ZBTB37: variants seen among roughly 807,000 people sequenced by gnomAD.
ZBTB37 encodes the protein zinc finger and BTB domain containing 37, also known as zinc finger and BTB domain-containing protein 37.
A neutral mutation model predicts 37.7 loss-of-function variants in ZBTB37; 15 were observed. The observed-to-expected ratio is 0.40, with a 90% CI of 0.27 to 0.61. The LOEUF (loss-of-function observed/expected upper bound fraction) is 0.61, where lower values mean the gene tolerates loss of function less well. Among genes scored for constraint, ZBTB37 ranks in the 20% least tolerant of loss-of-function variants. The pLI, the probability that ZBTB37 is intolerant of heterozygous loss-of-function variation, is 0.44. For synonymous variants in ZBTB37, 231 were observed against 220.6 expected (o/e 1.05, Z -0.42); for missense variants, 514 against 641.9 (o/e 0.80, Z 2.15).
chr1:173,878,617 C>T lies in ZBTB37; in HGVS notation c.1023+5051C>T, dbSNP rs769093459. ...AGACCAGGAAAAGAACAGATAGGTA[C>T]AGACTTTCCTACCCTCCCTTCCACC... On this transcript the variant is annotated intron_variant, in intron 4 of 4. Coordinates refer to ENST00000427304, the Ensembl canonical transcript of ZBTB37. Among the ~76,000 whole-genome samples, 5 of 152,328 alleles carry T rather than the reference C, an allele frequency of 3.3e-5. No individual in the cohort carries two copies. In the East Asian group the frequency reaches 5.8e-4, roughly 18 times the overall value.
chr1:173,878,690 A>G (rs1656119666), intron 4 of ZBTB37, among the ~76,000 whole-genome samples: 1 of 152,256 alleles, frequency 6.6e-6, no homozygotes, highest in Non-Finnish European at 1.5e-5. Flanking sequence ...AGTGGTAAAC[A>G]TTAAGTTACA....
chr1:173,902,366 A>G (rs970233005), exon 4 of ZBTB37: 1 of 152,248 alleles, frequency 6.6e-6, no homozygotes, highest in Non-Finnish European at 1.5e-5. Context: ...CTAAAATGTT[A>G]TCCCTGAAAG....
intron 4 of ZBTB37, among the ~76,000 whole-genome samples, chr1:173,879,971 C>T (rs1387683059): frequency 6.6e-6 from 1 of 152,020 alleles, no homozygotes; most frequent in Non-Finnish European, 1.5e-5. Flanking sequence ...GGAGAAAGAC[C>T]AGCACATTAT....
intron 4 of ZBTB37, among the ~76,000 whole-genome samples, chr1:173,876,716 A>G (rs1655990658): frequency 1.3e-5 from 2 of 152,212 alleles, no homozygotes. Flanking sequence ...TAGAGAAAAT[A>G]TTAGGAGCTT....
chr1:173,872,967 A>C (rs1040264345), intron 3 of ZBTB37, among the ~76,000 whole-genome samples: 1 of 151,834 alleles, frequency 6.6e-6, no homozygotes, highest in Non-Finnish European at 1.5e-5. Context: ...GGATCACGCC[A>C]CTGTACTCCA....
chr1:173,885,587 T>C, intron 4 of ZBTB37, 49 bp from the exon 5 acceptor site: 1 of 1,418,780 alleles, frequency 7.0e-7, no homozygotes, highest in Middle Eastern at 1.8e-4. Context: ...TTAATATGTA[T>C]GCTTAATAAT....
intron 4 of ZBTB37, among the ~76,000 whole-genome samples, chr1:173,877,269 A>G (rs1656031362): frequency 6.6e-6 from 1 of 152,308 alleles, no homozygotes; most frequent in Non-Finnish European, 1.5e-5. Context: ...AAGACTCTAC[A>G]GTATAAACTT....
At chr1:173,871,175 C>T (rs997439841) in intron 3 of ZBTB37, 27 bp downstream of exon 3, 16 of 1,547,452 alleles carry the variant, frequency 1.0e-5, no homozygotes, top group Non-Finnish European at 1.4e-5. Flanking sequence ...TTGGTTTTCC[C>T]ATGTAATGGC....
exon 4 of ZBTB37, chr1:173,895,740 C>G (rs976391721): frequency 6.6e-6 from 1 of 152,176 alleles, no homozygotes; most frequent in Non-Finnish European, 1.5e-5. Context: ...TTACCAGCCT[C>G]TCTCATTTAA....
At chr1:173,901,354 AG>A (rs1219800017) in exon 4 of ZBTB37, 1 of 151,898 alleles carries the variant, frequency 6.6e-6, no homozygotes, top group Non-Finnish European at 1.5e-5. Flanking sequence ...GCAGAACATC[AG>A]GAACTAATGG....
intron 4 of ZBTB37, among the ~76,000 whole-genome samples, chr1:173,874,765 A>G (rs565828456): frequency 6.6e-6 from 1 of 152,206 alleles, no homozygotes; most frequent in Non-Finnish European, 1.5e-5. Flanking sequence ...TTTTATTTGT[A>G]GTCCTAGTCA....
chr1:173,885,726 C>T (rs1430671072), exon 5 of ZBTB37: 4 of 1,551,746 alleles, frequency 2.6e-6, no homozygotes, highest in Non-Finnish European at 3.5e-6. Context: ...GTACAACCCT[C>T]GTCTCACCTG....
chr1:173,878,262 A>G (rs2102735423), intron 4 of ZBTB37, among the ~76,000 whole-genome samples: 1 of 152,256 alleles, frequency 6.6e-6, no homozygotes, highest in African/African-American at 2.4e-5. Flanking sequence ...TAGACTCAAT[A>G]TATGTTGTTC....
exon 4 of ZBTB37, chr1:173,895,806 G>A (rs7525115): frequency 6.6e-6 from 1 of 152,110 alleles, no homozygotes; most frequent in African/African-American, 2.4e-5. Context: ...GATTTAGGAT[G>A]CCTTATTTAA....
chr1:173,892,495 C>A (rs1354106500), exon 4 of ZBTB37: 1 of 152,134 alleles, frequency 6.6e-6, no homozygotes, highest in Non-Finnish European at 1.5e-5. Context: ...TTTGAAACAT[C>A]TGAATATGTT....
chr1:173,883,715 T>C (rs1656463114), intron 4 of ZBTB37, among the ~76,000 whole-genome samples: 1 of 152,166 alleles, frequency 6.6e-6, no homozygotes, highest in Non-Finnish European at 1.5e-5. Context: ...AATAAAATAA[T>C]CTTAAAACCT....
exon 5 of ZBTB37, chr1:173,885,761 C>T (rs1656586951): frequency 6.4e-7 from 1 of 1,551,596 alleles, no homozygotes; most frequent in Non-Finnish European, 8.7e-7. Flanking sequence ...AATCTTTCAA[C>T]CAGAAGGGAA....
At chr1:173,870,791 C>G (rs1655501717) in exon 3 of ZBTB37, 1 of 1,614,206 alleles carries the variant, frequency 6.2e-7, no homozygotes, top group Non-Finnish European at 8.5e-7. Context: ...GAGCTAAGTC[C>G]TCCTGAGGAG....
At chr1:173,901,135 A>T (rs1184594622) in exon 4 of ZBTB37, 1 of 152,184 alleles carries the variant, frequency 6.6e-6, no homozygotes, top group Non-Finnish European at 1.5e-5. Flanking sequence ...ATTCCTCTTA[A>T]ACCTCTAGGA....
Sources: allele counts gnomAD v4.1 joint callset (sites outside exome capture counted in the v4.1 genomes callset), GRCh38; gene constraint gnomAD v4.1.1; transcripts MANE v1.5; gene names NCBI Gene and HGNC (gene_info 2026-07-23, HGNC 2026-07-21).